Variants in SYN3 observed in about 807,000 individuals in gnomAD.
The protein encoded by SYN3 is synapsin-3.
Under a neutral mutation model 65.8 loss-of-function variants are expected in SYN3, and 35 were observed. The ratio of observed to expected loss-of-function variants is 0.53; its 90% CI spans 0.41 to 0.70. The LOEUF is 0.70. Ranked by LOEUF, SYN3 falls within the 30% of genes least tolerant of loss-of-function variation. The pLI is 0.00. For missense variants in SYN3, 680 were observed against 749.0 expected, an observed-to-expected ratio of 0.91 and a Z score of 1.08; for synonymous variants, 270 against 292.9, an observed-to-expected ratio of 0.92 and a Z score of 0.80.
intron 1 of SYN3, among the ~76,000 whole-genome samples, chr22:33,037,626 C>T (rs2053884127): frequency 6.6e-6 from 1 of 152,192 alleles, no homozygotes; most frequent in Admixed American, 6.6e-5. Context: ...TGATTTTACG[C>T]TGAAGCATCC....
chr22:32,870,168 C>T (rs1184313760), intron 4 of SYN3, among the ~76,000 whole-genome samples: 1 of 152,038 alleles, frequency 6.6e-6, no homozygotes, highest in East Asian at 1.9e-4. Flanking sequence ...TATAAAAAAA[C>T]AAAAATTCCT....
intron 7 of SYN3, among the ~76,000 whole-genome samples, chr22:32,564,693 T>TCGGACTGCACCCAAACAGTGCTCC (rs1334458978): frequency 6.3e-5 from 8 of 126,672 alleles, no homozygotes; most frequent in Non-Finnish European, 1.2e-4. Flanking sequence ...AAGAGTGCTC[T>TCGGACTGCACCCAAACAGTGCTCC]CGGACTGCAC....
intron 6 of SYN3, among the ~76,000 whole-genome samples, chr22:32,786,150 G>A (rs1034858761): frequency 3.3e-5 from 5 of 152,208 alleles, no homozygotes; most frequent in East Asian, 3.9e-4. Context: ...CATATTTGCC[G>A]TATGAGGTGG....
intron 6 of SYN3, chr22:32,859,932 T>G (rs1418172208): frequency 6.2e-6 from 1 of 160,414 alleles, no homozygotes; most frequent in Non-Finnish European, 1.4e-5. Context: ...CCAACCAGAC[T>G]GTGTCTGTCT....
chr22:32,658,343 C>T (rs961775468), intron 6 of SYN3, among the ~76,000 whole-genome samples: 60 of 152,330 alleles, frequency 3.9e-4, no homozygotes, highest in Non-Finnish European at 6.8e-4. Context: ...ACCCCGCTTT[C>T]GGGTGGATGG....
chr22:32,546,835 C>T (rs895347575), intron 7 of SYN3, among the ~76,000 whole-genome samples: 1 of 152,044 alleles, frequency 6.6e-6, no homozygotes, highest in African/African-American at 2.4e-5. Context: ...CACACCCTTG[C>T]CTCCCTCGCC....
intron 6 of SYN3, among the ~76,000 whole-genome samples, chr22:32,798,362 A>G (rs1189308375): frequency 6.6e-6 from 1 of 152,122 alleles, no homozygotes; most frequent in South Asian, 2.1e-4. Context: ...TACAGCTTGG[A>G]GGACTGAGCC....
intron 6 of SYN3, among the ~76,000 whole-genome samples, chr22:32,650,146 G>A (rs1261673795): frequency 2.0e-5 from 3 of 151,708 alleles, no homozygotes; most frequent in Non-Finnish European, 4.4e-5. Context: ...CAACAGTTAT[G>A]ACAACGGCCA....
intron 2 of SYN3, among the ~76,000 whole-genome samples, chr22:33,000,539 A>G (rs894670174): frequency 1.3e-4 from 20 of 152,180 alleles, no homozygotes; most frequent in Admixed American, 1.2e-3. Flanking sequence ...CCACCTGTCC[A>G]CAACAAAACC....
rs959637806 is a variant in SYN3 at position 32,539,013 on chromosome 22, C to A, written c.918-903G>T. Among the ~76,000 whole-genome samples the A allele has an allele frequency of 2.0e-5, 3 of 152,100 alleles. 1 individual carries two copies. Among genetic ancestry groups the A allele is most frequent in the Non-Finnish European group, 4.4e-5 (3 of 68,022 alleles). On this transcript the variant is annotated intron_variant, in intron 8 of 13. Coordinates refer to ENST00000358763, the MANE Select transcript of SYN3 (RefSeq NM_003490.4). ...TACACTGGGGGAGAATCCAGACAAG[C>A]TATCTATCACTAATGATGCATCTGG...
intron 3 of SYN3, among the ~76,000 whole-genome samples, chr22:32,957,005 C>T (rs1316283909): frequency 6.6e-6 from 1 of 151,992 alleles, no homozygotes; most frequent in Non-Finnish European, 1.5e-5. Context: ...TCAGAGTAAG[C>T]CAGGAAAATA....
chr22:32,736,010 C>A (rs2061332981), intron 6 of SYN3, among the ~76,000 whole-genome samples: 1 of 152,222 alleles, frequency 6.6e-6, no homozygotes. Context: ...CCATGCCTGG[C>A]AGGATTTCCT....
At chr22:32,707,896 T>A (rs2060901744) in intron 6 of SYN3, among the ~76,000 whole-genome samples, 1 of 152,168 alleles carries the variant, frequency 6.6e-6, no homozygotes, top group African/African-American at 2.4e-5. Context: ...AAAATGGGCA[T>A]CACTGTGCCA....
intron 4 of SYN3, among the ~76,000 whole-genome samples, chr22:32,894,118 C>T (rs2049524731): frequency 6.6e-6 from 1 of 152,138 alleles, no homozygotes; most frequent in Admixed American, 6.5e-5. Flanking sequence ...AAAGTCTTCA[C>T]CTTGTAATAC....
chr22:32,799,702 C>T (rs534092969), intron 6 of SYN3, among the ~76,000 whole-genome samples: 5 of 152,278 alleles, frequency 3.3e-5, no homozygotes, highest in South Asian at 2.1e-4. Flanking sequence ...AATTCCACCA[C>T]GTATGCCCTC....
intron 1 of SYN3, among the ~76,000 whole-genome samples, chr22:33,017,458 A>G (rs1451106500): frequency 6.6e-6 from 1 of 152,198 alleles, no homozygotes; most frequent in South Asian, 2.1e-4. Flanking sequence ...GAATCTGCAG[A>G]TCATTTTGGT....
At chr22:32,705,512 C>T (rs533453477) in intron 6 of SYN3, among the ~76,000 whole-genome samples, 63 of 152,196 alleles carry the variant, frequency 4.1e-4, no homozygotes, top group African/African-American at 1.1e-3. Context: ...TTGTTCTTTT[C>T]GCTTAGGATT....
intron 10 of SYN3, among the ~76,000 whole-genome samples, chr22:32,529,524 C>T (rs371862086): frequency 1.7e-4 from 26 of 152,216 alleles, no homozygotes; most frequent in African/African-American, 5.5e-4. Context: ...AAAACACAGG[C>T]GGGAGGGAAA....
chr22:32,672,872 G>C (rs2060390243), intron 6 of SYN3, among the ~76,000 whole-genome samples: 1 of 152,200 alleles, frequency 6.6e-6, no homozygotes, highest in Non-Finnish European at 1.5e-5. Flanking sequence ...GAGAGAAAGA[G>C]AGCTTTGTGG....
Sources: gnomAD v4.1 joint callset for allele counts (sites outside exome capture counted in the v4.1 genomes callset) on GRCh38, gnomAD v4.1.1 for gene constraint, MANE v1.5 for transcripts, NCBI Gene and HGNC (gene_info 2026-07-23, HGNC 2026-07-21) for gene names.